SAMMSON: variants seen among roughly 807,000 people sequenced by gnomAD.
SAMMSON encodes survival associated mitochondrial melanoma specific oncogenic non-coding RNA, also known as long intergenic non-protein coding RNA 1212.
intron 4 of SAMMSON, among the ~76,000 whole-genome samples, chr3:70,085,515 G>GGTAGGTTTCCTAATTTGA (rs1442075159): frequency 6.6e-6 from 1 of 152,010 alleles, no homozygotes; most frequent in Non-Finnish European, 1.5e-5. Context: ...CTTTGATTTG[G>GGTAGGTTTCCTAATTTGA]GTAGGTTTCC....
At chr3:70,121,691 C>T (rs2067434159) in intron 4 of SAMMSON, among the ~76,000 whole-genome samples, 2 of 152,114 alleles carry the variant, frequency 1.3e-5, no homozygotes, top group South Asian at 4.1e-4. Context: ...AGCAAACAAA[C>T]AAAATAGTGC....
chr3:70,028,416 C>T (rs1048020687), intron 3 of SAMMSON, among the ~76,000 whole-genome samples: 2 of 152,052 alleles, frequency 1.3e-5, no homozygotes, highest in South Asian at 4.1e-4. Flanking sequence ...ACCATTCACA[C>T]AATTGCAGCC....
chr3:70,089,923 G>C (rs1247500963), intron 4 of SAMMSON, among the ~76,000 whole-genome samples: 1 of 152,042 alleles, frequency 6.6e-6, no homozygotes, highest in Admixed American at 6.6e-5. Context: ...CAGATGGCTG[G>C]GTAAATGTCC....
At chr3:70,027,465 G>A (rs1205919416) in intron 3 of SAMMSON, among the ~76,000 whole-genome samples, 1 of 152,226 alleles carries the variant, frequency 6.6e-6, no homozygotes, top group Non-Finnish European at 1.5e-5. Context: ...CATCAAGCTT[G>A]TGCTAGGTTA....
intron 2 of SAMMSON, among the ~76,000 whole-genome samples, chr3:70,410,570 A>C (rs1281823550): frequency 6.6e-6 from 1 of 152,208 alleles, no homozygotes. Context: ...GGATTAATGA[A>C]GGCTAAATAT....
At chr3:70,336,316 A>G (rs562010845) in intron 7 of SAMMSON, among the ~76,000 whole-genome samples, 66 of 152,122 alleles carry the variant, frequency 4.3e-4, no homozygotes, top group Non-Finnish European at 8.1e-4. Context: ...GGCATTATAT[A>G]ATTTTAATAT....
chr3:70,017,306 C>T (rs1451243199), intron 3 of SAMMSON, among the ~76,000 whole-genome samples: 1 of 151,992 alleles, frequency 6.6e-6, no homozygotes, highest in Non-Finnish European at 1.5e-5. Context: ...CCTTCACGTC[C>T]CTTGTAAGTT....
At chr3:70,389,199 C>G (rs1232016050) in intron 9 of SAMMSON, among the ~76,000 whole-genome samples, 1 of 152,090 alleles carries the variant, frequency 6.6e-6, no homozygotes, top group African/African-American at 2.4e-5. Flanking sequence ...CAAAATGAAC[C>G]TCTTTCCTTT....
chr3:70,337,088 T>TTAA (rs1199233019), intron 7 of SAMMSON, among the ~76,000 whole-genome samples: 1 of 40,740 alleles, frequency 2.5e-5, no homozygotes, highest in African/African-American at 8.5e-5. Context: ...AATATTCTTA[T>TTAA]TAATAATAAT....
chr3:70,275,680 C>T (rs1357269), intron 6 of SAMMSON, among the ~76,000 whole-genome samples: 8,515 of 152,178 alleles, frequency 0.056, 655 homozygotes, highest in East Asian at 0.33. Context: ...TGTTCATCAG[C>T]GATAACAATA....
intron 4 of SAMMSON, among the ~76,000 whole-genome samples, chr3:70,214,151 C>G (rs1701382053): frequency 6.6e-6 from 1 of 151,994 alleles, no homozygotes; most frequent in African/African-American, 2.4e-5. Context: ...TTGGATAAGA[C>G]AAAACCTTGG....
At chr3:70,028,177 TCCTTC>T (rs769644009) in intron 3 of SAMMSON, among the ~76,000 whole-genome samples, 3 of 137,848 alleles carry the variant, frequency 2.2e-5, no homozygotes, top group Admixed American at 7.4e-5. Context: ...CTTCCTTCCT[TCCTTC>T]CTTCCTTTCT....
intron 2 of SAMMSON, among the ~76,000 whole-genome samples, chr3:70,430,441 G>C (rs1027977493): frequency 2.0e-5 from 3 of 152,098 alleles, no homozygotes; most frequent in Admixed American, 6.6e-5. Flanking sequence ...GTTGTTATGA[G>C]AGCATGTGAC....
At chr3:70,142,656 A>G (rs1306888463) in intron 4 of SAMMSON, among the ~76,000 whole-genome samples, 1 of 152,156 alleles carries the variant, frequency 6.6e-6, no homozygotes, top group Non-Finnish European at 1.5e-5. Context: ...TCATGTAACC[A>G]AACACCACCA....
At chr3:70,277,121 G>GAT (rs1442518716) in intron 6 of SAMMSON, among the ~76,000 whole-genome samples, 2 of 152,154 alleles carry the variant, frequency 1.3e-5, no homozygotes. Context: ...AAGTCTGTGT[G>GAT]ATTAGGTGAG....
At chr3:70,254,593 T>G (rs1163402779) in intron 6 of SAMMSON, among the ~76,000 whole-genome samples, 1 of 152,186 alleles carries the variant, frequency 6.6e-6, no homozygotes, top group Admixed American at 6.5e-5. Context: ...GTTATCATAC[T>G]TAGCAAACCA....
At chr3:70,353,241 AC>A (rs1223786497) in intron 7 of SAMMSON, among the ~76,000 whole-genome samples, 11 of 152,012 alleles carry the variant, frequency 7.2e-5, no homozygotes, top group Non-Finnish European at 1.2e-4. Flanking sequence ...AAATAATAAA[AC>A]TTTTCTCTAT....
At chr3:70,131,913 C>G (rs2067484577) in intron 4 of SAMMSON, among the ~76,000 whole-genome samples, 1 of 152,056 alleles carries the variant, frequency 6.6e-6, no homozygotes, top group African/African-American at 2.4e-5. Flanking sequence ...TACAAGTAGC[C>G]TACCTATAGT....
intron 7 of SAMMSON, among the ~76,000 whole-genome samples, chr3:70,293,113 AC>A (rs1209714757): frequency 1.3e-5 from 2 of 150,534 alleles, no homozygotes; most frequent in East Asian, 3.9e-4. Flanking sequence ...TTCAGTATTC[AC>A]CAACTGCTGC....
Sources: allele counts gnomAD v4.1 joint callset (sites outside exome capture counted in the v4.1 genomes callset), GRCh38; gene constraint gnomAD v4.1.1; transcripts MANE v1.5; gene names NCBI Gene and HGNC (gene_info 2026-07-23, HGNC 2026-07-21).